EWSR1: variants seen among roughly 807,000 people sequenced by gnomAD.
The protein encoded by EWSR1 is RNA-binding protein EWS.
A neutral mutation model predicts 92.1 loss-of-function variants in EWSR1; 14 were observed. That is an observed-to-expected ratio of 0.15 (90% CI 0.10 to 0.24). EWSR1 has a LOEUF of 0.24. Ranked by LOEUF, EWSR1 falls within the 10% of genes least tolerant of loss-of-function variation. The pLI, the probability that EWSR1 is intolerant of heterozygous loss-of-function variation, is 1.00. For missense variants in EWSR1, 637 were observed against 870.9 expected, an observed-to-expected ratio of 0.73 and a Z score of 3.38; for synonymous variants, 303 against 292.9, an observed-to-expected ratio of 1.03 and a Z score of -0.35.
Position 29,298,755 on chromosome 22 carries a change from T to G in EWSR1, c.1440T>G (p.Pro480=), listed in dbSNP as rs757722744. 6.2e-7 allele frequency: 1 copy of G among 1,613,690 alleles called. No individual in the cohort carries two copies. The highest frequency in any genetic ancestry group is 1.1e-5 in the South Asian group (1 of 91,066). ...LRGGPGGPGG[P]GGPMGRMGGR... is the part of the protein sequence containing the mutation. ...TAGGTCCAGGAGGCCCAGGAGGTCC[T>G]GGGGGACCCATGGGTCGCATGGGAG... Residue 480 remains proline, a synonymous_variant, in exon 14 of 17, where the codon CCT becomes CCG. Coordinates refer to ENST00000397938, the MANE Select transcript of EWSR1 (RefSeq NM_005243.4).
chr22:29,296,109 G>A, intron 11 of EWSR1, 130 bp from the exon 12 acceptor site: 1 of 921,216 alleles, frequency 1.1e-6, no homozygotes, highest in Non-Finnish European at 1.6e-6. Context: ...AAACTTAAAA[G>A]CGGAGAAACG....
rs1016932834 is a variant in EWSR1, at chr22:29,280,881, T to G, written c.414-1509T>G. On this transcript the variant is annotated intron_variant, in intron 5 of 16. Transcript: ENST00000397938. ...TGTGTTGTTTTTTTTTTTTTTTTTTTTTTTTTTTTTTTTTTTTTGACAGAG... is the reference window on the plus strand; with the variant it reads ...TGTGTTGTTTTTTTTTTTTTTTTTTGTTTTTTTTTTTTTTTTTTGACAGAG... 2.1e-3 allele frequency among the ~76,000 whole-genome samples: 207 copies of G among 99,354 alleles called. 7 individuals carry two copies. The highest frequency in any genetic ancestry group is 2.7e-3 in the Non-Finnish European group (115 of 41,824). 65.2% of individuals were successfully genotyped at this position (99,354 alleles called of 152,430 possible).
intron 7 of EWSR1, 121 bp downstream of exon 7, chr22:29,287,255 C>A: frequency 1.0e-6 from 1 of 983,828 alleles, no homozygotes; most frequent in Non-Finnish European, 1.5e-6. Context: ...GGGGCTGAGG[C>A]TGGAGTACAG....
intron 11 of EWSR1, among the ~76,000 whole-genome samples, chr22:29,294,638 G>A (rs1057216656): frequency 2.7e-5 from 4 of 149,408 alleles, no homozygotes; most frequent in Non-Finnish European, 3.0e-5. Context: ...GATTTTGGGC[G>A]GGCGTGGTGG....
chr22:29,297,588 G>A lies in EWSR1; in HGVS notation c.1295-239G>A, dbSNP rs536995408. Among the ~76,000 whole-genome samples, 11 of 152,236 alleles carry A rather than the reference G, an allele frequency of 7.2e-5. No homozygotes were observed. The East Asian group carries it at 2.1e-3, about 29-fold the overall frequency. On this transcript the variant is annotated intron_variant, in intron 12 of 16. Transcript: ENST00000397938. The stretch of plus-strand genomic sequence containing the variant: ...GCGTGCCTGTAGTCCCAGCTACTTG[G>A]GAGGATTGCTTGAGCAAGTGAGATT...
At chr22:29,279,119 AAGAG>A (rs766727870) in intron 5 of EWSR1, among the ~76,000 whole-genome samples, 82 of 151,666 alleles carry the variant, frequency 5.4e-4, no homozygotes, top group Non-Finnish European at 1.0e-3. Context: ...AACCCAGAAG[AAGAG>A]AGAGAGAGAG....
chr22:29,295,640 A>G (rs2060799010), intron 11 of EWSR1: 1 of 223,846 alleles, frequency 4.5e-6, no homozygotes, highest in Non-Finnish European at 8.9e-6. Context: ...ATATATGTAA[A>G]CAATTACAGA....
At position 29,273,796 on chromosome 22, in the gene EWSR1, C is replaced by A; in HGVS notation, c.158C>A (p.Thr53Asn). The A allele has an allele frequency of 6.2e-7, 1 of 1,613,862 alleles. No homozygotes were observed. Among genetic ancestry groups the A allele is most frequent in the Non-Finnish European group, 8.5e-7 (1 of 1,179,894 alleles). ...GGACAGCCCACTGATGTCAGCTATA[C>A]CCAGGCTCAGACCACTGCAACCTAT... ...TYGQPTDVSYTQAQTTATYGQ... is the reference protein window; with the variant it reads ...TYGQPTDVSYNQAQTTATYGQ... Residue 53 changes from threonine (T) to asparagine (N), a missense_variant, in exon 4 of 17, where the codon ACC becomes AAC. Physicochemically the swap from Thr to Asn is moderately conservative, Grantham distance 65. Transcript: ENST00000397938.
chr22:29,277,970 G>A, intron 4 of EWSR1, 60 bp from the exon 5 acceptor site: 1 of 1,456,490 alleles, frequency 6.9e-7, no homozygotes, highest in Non-Finnish European at 9.4e-7. Flanking sequence ...TTCTGATAAT[G>A]AGTGTCTAGG....
At chr22:29,275,189 A>C (rs1489792684) in intron 4 of EWSR1, among the ~76,000 whole-genome samples, 1 of 152,212 alleles carries the variant, frequency 6.6e-6, no homozygotes, top group East Asian at 1.9e-4. Context: ...TTAGCATAGA[A>C]TTTTGAAATT....
At chr22:29,299,481 T>C (rs2061166313) in intron 15 of EWSR1, 118 bp from the exon 16 acceptor site, 2 of 1,489,008 alleles carry the variant, frequency 1.3e-6, no homozygotes, top group African/African-American at 2.8e-5. Flanking sequence ...ATGCCGAGAT[T>C]GAGTGAAGTG....
chr22:29,297,815 G>T lies in EWSR1; in HGVS notation c.1295-12G>T. 1 of 1,613,642 alleles carries T rather than the reference G, an allele frequency of 6.2e-7. No individual in the cohort carries two copies. Among genetic ancestry groups the T allele is most frequent in the Non-Finnish European group, 8.5e-7 (1 of 1,179,828 alleles). ...ACAGGGGAGTAATTGATGTTCTGTT[G>T]TCTTGTTCCAGGGAAAGATTTTCAA... On this transcript the variant is annotated splice_polypyrimidine_tract_variant and intron_variant, in intron 12 of 16. Coordinates refer to ENST00000397938, the MANE Select transcript of EWSR1 (RefSeq NM_005243.4).
At chr22:29,270,132 T>C (rs764167680) in intron 1 of EWSR1, among the ~76,000 whole-genome samples, 4 of 152,246 alleles carry the variant, frequency 2.6e-5, no homozygotes, top group Admixed American at 2.0e-4. Flanking sequence ...GCTCAGGTAC[T>C]GTGAAGCTCA....
At chr22:29,299,005 C>T (rs2061117447) in intron 14 of EWSR1, 110 bp downstream of exon 14, 6 of 1,363,560 alleles carry the variant, frequency 4.4e-6, no homozygotes, top group Non-Finnish European at 6.0e-6. Context: ...AATGATGACC[C>T]TGATGGCTGG....
intron 6 of EWSR1, among the ~76,000 whole-genome samples, chr22:29,283,959 C>T (rs2059819326): frequency 6.6e-6 from 1 of 151,240 alleles, no homozygotes; most frequent in Non-Finnish European, 1.5e-5. Flanking sequence ...CTCAGCCTCC[C>T]TAGTAGCTGG....
At chr22:29,283,532 ATTG>A (rs921898335) in intron 6 of EWSR1, among the ~76,000 whole-genome samples, 3 of 149,790 alleles carry the variant, frequency 2.0e-5, no homozygotes, top group Admixed American at 2.0e-4. Flanking sequence ...TTTTTGTTTT[ATTG>A]TTGTTTTGAG....
chr22:29,286,750 G>A (rs966552752), intron 6 of EWSR1, among the ~76,000 whole-genome samples, 173 bp from the exon 7 acceptor site: 12 of 148,972 alleles, frequency 8.1e-5, no homozygotes, highest in Admixed American at 4.0e-4. Context: ...GTTTTATTCT[G>A]AACACAAAAG....
At chr22:29,294,230 C>T (rs533934532) in intron 11 of EWSR1, among the ~76,000 whole-genome samples, 37 of 152,272 alleles carry the variant, frequency 2.4e-4, no homozygotes, top group African/African-American at 7.9e-4. Flanking sequence ...AGTTTTACTT[C>T]TAGGTTTCGT....
intron 12 of EWSR1, 34 bp from the exon 13 acceptor site, chr22:29,297,783 AGGGAGTACAG>A: frequency 2.5e-6 from 4 of 1,607,418 alleles, no homozygotes; most frequent in Non-Finnish European, 3.4e-6. Flanking sequence ...GTTGGTGAAC[AGGGAGTACAG>A]GGGAGTAATT....
Sources: allele counts gnomAD v4.1 joint callset (sites outside exome capture counted in the v4.1 genomes callset), GRCh38; gene constraint gnomAD v4.1.1; transcripts MANE v1.5; gene names NCBI Gene and HGNC (gene_info 2026-07-23, HGNC 2026-07-21).